Variants in LRRTM4 observed in about 807,000 individuals in gnomAD.
LRRTM4 encodes leucine rich repeat transmembrane neuronal 4.
In LRRTM4, 25 loss-of-function variants were observed where a neutral mutation model predicts 47.6. The ratio of observed to expected loss-of-function variants is 0.53; its 90% CI spans 0.38 to 0.73. LRRTM4 has a LOEUF of 0.73. LRRTM4 is among the 30% of genes least tolerant of loss of function. LRRTM4 has a pLI of 0.00. For missense variants in LRRTM4, 638 were observed against 713.4 expected (o/e 0.89, Z 1.20); for synonymous variants, 311 against 269.5 (o/e 1.15, Z -1.51).
chr2:76,963,659 C>A (rs1031698891), intron 3 of LRRTM4, among the ~76,000 whole-genome samples: 2 of 150,726 alleles, frequency 1.3e-5, no homozygotes, highest in African/African-American at 4.8e-5. Context: ...GTTTTCAAAG[C>A]CTTAGGATTT....
At chr2:77,032,459 C>A (rs1018935306) in intron 3 of LRRTM4, among the ~76,000 whole-genome samples, 3 of 151,964 alleles carry the variant, frequency 2.0e-5, no homozygotes, top group Admixed American at 1.3e-4. Context: ...AGGTTCATGA[C>A]AATACCAAGT....
intron 3 of LRRTM4, among the ~76,000 whole-genome samples, chr2:77,143,468 T>C (rs567771350): frequency 3.3e-4 from 50 of 152,310 alleles, no homozygotes; most frequent in African/African-American, 1.1e-3. Flanking sequence ...CTTTCTTTCT[T>C]GGTAGTGGTA....
intron 3 of LRRTM4, among the ~76,000 whole-genome samples, chr2:76,807,102 C>A: frequency 6.6e-6 from 1 of 151,924 alleles, no homozygotes; most frequent in South Asian, 2.1e-4. Flanking sequence ...GTGTTAACTG[C>A]TACAAACCTA....
intron 3 of LRRTM4, among the ~76,000 whole-genome samples, chr2:77,441,227 C>T (rs1296366663): frequency 6.6e-6 from 1 of 152,128 alleles, no homozygotes; most frequent in East Asian, 1.9e-4. Context: ...AATGAATGCT[C>T]AGTAGAGCAA....
At chr2:77,036,930 G>T (rs1248234887) in intron 3 of LRRTM4, among the ~76,000 whole-genome samples, 1 of 151,722 alleles carries the variant, frequency 6.6e-6, no homozygotes, top group African/African-American at 2.4e-5. Flanking sequence ...GGAATTCTCT[G>T]AAAGGAAGTG....
chr2:76,877,874 G>C (rs1672821733), intron 3 of LRRTM4, among the ~76,000 whole-genome samples: 1 of 151,864 alleles, frequency 6.6e-6, no homozygotes, highest in Non-Finnish European at 1.5e-5. Flanking sequence ...CTGTATAACA[G>C]GTATTCCAGA....
chr2:76,836,860 T>C (rs1387513149), intron 3 of LRRTM4, among the ~76,000 whole-genome samples: 1 of 152,132 alleles, frequency 6.6e-6, no homozygotes, highest in African/African-American at 2.4e-5. Context: ...CTGTGAGTTT[T>C]TTAGGCCGGT....
At chr2:76,923,494 T>C (rs1165984370) in intron 3 of LRRTM4, among the ~76,000 whole-genome samples, 4 of 152,064 alleles carry the variant, frequency 2.6e-5, no homozygotes, top group African/African-American at 7.2e-5. Context: ...ACTGGGTCCT[T>C]TTTCATTTCT....
chr2:77,317,481 C>G (rs571535179), intron 3 of LRRTM4, among the ~76,000 whole-genome samples: 1 of 152,210 alleles, frequency 6.6e-6, no homozygotes, highest in African/African-American at 2.4e-5. Flanking sequence ...AACCTTTATA[C>G]GTTTGTCATA....
intron 3 of LRRTM4, 43 bp from the exon 4 acceptor site, chr2:76,748,959 T>A: frequency 6.5e-7 from 1 of 1,541,196 alleles, no homozygotes; most frequent in African/African-American, 1.4e-5. Flanking sequence ...ATAAAATTGC[T>A]TTGGAAAGAT....
chr2:77,112,721 A>T (rs1428651305), intron 3 of LRRTM4, among the ~76,000 whole-genome samples: 1 of 152,054 alleles, frequency 6.6e-6, no homozygotes, highest in South Asian at 2.1e-4. Flanking sequence ...CTACCAAAGT[A>T]CCTTGAAAGA....
chr2:76,824,275 G>C (rs1427006744), intron 3 of LRRTM4, among the ~76,000 whole-genome samples: 5 of 151,404 alleles, frequency 3.3e-5, no homozygotes, highest in African/African-American at 9.7e-5. Context: ...ATGTGTGTGT[G>C]TTTTGCATTC....
intron 3 of LRRTM4, among the ~76,000 whole-genome samples, chr2:76,776,975 A>G (rs1674040170): frequency 7.6e-6 from 1 of 131,754 alleles, no homozygotes; most frequent in Non-Finnish European, 1.6e-5. Flanking sequence ...CTTTCTACAT[A>G]TGGCTAGCCA....
intron 3 of LRRTM4, among the ~76,000 whole-genome samples, chr2:77,055,692 A>G (rs1679580193): frequency 6.6e-6 from 1 of 152,036 alleles, no homozygotes; most frequent in Admixed American, 6.6e-5. Flanking sequence ...ATTACTGGGT[A>G]TATACCCAAA....
In LRRTM4 at chr2:77,518,395, T is replaced by C; in HGVS notation, c.1474A>G (p.Asn492Asp). 1 of 1,613,052 alleles carries C rather than the reference T, an allele frequency of 6.2e-7. No homozygotes were observed. The highest frequency in any genetic ancestry group is 8.5e-7 in the Non-Finnish European group (1 of 1,179,458). ...ACCGATATATCCATGGTCTCAGAGTTTGTAGGCTTGTAGTCCACATAATAC... is the reference window on the plus strand; with the variant it reads ...ACCGATATATCCATGGTCTCAGAGTCTGTAGGCTTGTAGTCCACATAATAC... Reference protein sequence around the residue: ...QEYYVDYKPTNSETMDISVNG... With the variant: ...QEYYVDYKPTDSETMDISVNG... The change falls in exon 3 of 4, where the codon AAC (asparagine) becomes GAC (aspartate). Residue 492 changes from asparagine to aspartate, a missense_variant. Transcript: ENST00000409884.
intron 3 of LRRTM4, among the ~76,000 whole-genome samples, chr2:76,837,898 G>T (rs1416312251): frequency 6.7e-6 from 1 of 150,178 alleles, no homozygotes. Context: ...AGAACATATG[G>T]ACACAGGAAG....
chr2:77,279,530 T>A (rs978219236), intron 3 of LRRTM4, among the ~76,000 whole-genome samples: 1 of 151,948 alleles, frequency 6.6e-6, no homozygotes, highest in African/African-American at 2.4e-5. Flanking sequence ...TATAAAACTA[T>A]GGGATAACAT....
chr2:76,822,173 G>A (rs1240869702), intron 3 of LRRTM4, among the ~76,000 whole-genome samples: 2 of 151,390 alleles, frequency 1.3e-5, no homozygotes, highest in Admixed American at 6.6e-5. Flanking sequence ...AACAGCACGT[G>A]CCTTGTGCTC....
intron 3 of LRRTM4, among the ~76,000 whole-genome samples, chr2:77,401,321 T>C (rs1431046914): frequency 6.6e-6 from 1 of 152,008 alleles, no homozygotes; most frequent in Non-Finnish European, 1.5e-5. Context: ...AATACTTAAA[T>C]GGTTAATCTC....
Sources: gnomAD v4.1 joint callset for allele counts (sites outside exome capture counted in the v4.1 genomes callset) on GRCh38, gnomAD v4.1.1 for gene constraint, MANE v1.5 for transcripts, NCBI Gene and HGNC (gene_info 2026-07-23, HGNC 2026-07-21) for gene names.